The following GPC6 variants were observed in gnomAD, a reference collection of about 807,000 sequenced individuals.
GPC6 encodes glypican-6.
GPC6 carries 14 observed loss-of-function variants against 55.2 expected under a neutral mutation model. That is an observed-to-expected ratio of 0.25 (90% CI 0.17 to 0.40). The LOEUF (loss-of-function observed/expected upper bound fraction) is 0.40, where lower values mean the gene tolerates loss of function less well. Ranked by LOEUF, GPC6 falls within the 10% of genes least tolerant of loss-of-function variation. The probability of loss-of-function intolerance (pLI) is 1.00; values close to 1 mark genes in which losing one functional copy is unlikely to be tolerated. For missense variants in GPC6, 641 were observed against 708.5 expected (o/e 0.90, Z 1.08); for synonymous variants, 278 against 259.6 (o/e 1.07, Z -0.68).
chr13:93,756,969 A>G (rs980569899), intron 2 of GPC6, among the ~76,000 whole-genome samples: 1 of 152,182 alleles, frequency 6.6e-6, no homozygotes, highest in Non-Finnish European at 1.5e-5. Flanking sequence ...TTGTGAAAAT[A>G]TACTCTAATT....
chr13:94,036,047 C>T (rs1035747860), intron 4 of GPC6, among the ~76,000 whole-genome samples: 9 of 151,954 alleles, frequency 5.9e-5, no homozygotes, highest in South Asian at 2.1e-4. Flanking sequence ...TTAGAAGAGA[C>T]GGTCTCAGTG....
At chr13:93,589,913 G>A (rs1211531782) in intron 2 of GPC6, among the ~76,000 whole-genome samples, 2 of 152,156 alleles carry the variant, frequency 1.3e-5, no homozygotes, top group Admixed American at 6.6e-5. Context: ...CTCTTTGAGA[G>A]CAAATCATTT....
chr13:93,768,774 C>A (rs1020941205), intron 2 of GPC6, among the ~76,000 whole-genome samples: 1 of 152,040 alleles, frequency 6.6e-6, no homozygotes, highest in South Asian at 2.1e-4. Context: ...TTTTTATATC[C>A]ATTCTTAATT....
Position 93,871,127 on chromosome 13 carries a change from A to G in GPC6, c.711+40582A>G, listed in dbSNP as rs113629569. 2.6e-3 allele frequency among the ~76,000 whole-genome samples: 394 copies of G among 152,032 alleles called. 5 individuals are homozygous for G. Among genetic ancestry groups the G allele is most frequent in the African/African-American group, 9.2e-3 (381 of 41,518 alleles). On this transcript the variant is annotated intron_variant, in intron 3 of 8. Coordinates refer to ENST00000377047, the MANE Select transcript of GPC6 (RefSeq NM_005708.5). The stretch of plus-strand genomic sequence containing the variant: ...AGGCAGGGAATAACGGGAGACACAA[A>G]GTATAGCCGACAACACATGCTCTAG...
intron 1 of GPC6, among the ~76,000 whole-genome samples, chr13:93,333,671 G>A (rs1168298490): frequency 1.3e-5 from 2 of 151,226 alleles, no homozygotes; most frequent in East Asian, 3.9e-4. Context: ...ATTGTAGCTG[G>A]GACCAAAGGC....
chr13:94,226,926 T>C (rs1366654052), intron 4 of GPC6, among the ~76,000 whole-genome samples: 2 of 152,104 alleles, frequency 1.3e-5, no homozygotes, highest in Non-Finnish European at 2.9e-5. Context: ...AAAGATGCCA[T>C]GAACCAGCAG....
chr13:94,001,727 C>T (rs1266988576), intron 3 of GPC6, among the ~76,000 whole-genome samples: 1 of 152,106 alleles, frequency 6.6e-6, no homozygotes, highest in East Asian at 1.9e-4. Flanking sequence ...CAGTTGGTTT[C>T]ATTGAAATCT....
intron 4 of GPC6, among the ~76,000 whole-genome samples, chr13:94,142,902 T>C (rs9524342): frequency 0.39 from 58,510 of 151,058 alleles, 11,664 homozygotes; most frequent in Non-Finnish European, 0.43. Context: ...GATCGCGGCT[T>C]ACAGCAACCT....
chr13:93,641,741 T>G (rs1879953483), intron 2 of GPC6, among the ~76,000 whole-genome samples: 1 of 152,002 alleles, frequency 6.6e-6, no homozygotes, highest in Non-Finnish European at 1.5e-5. Context: ...CCCCAGCATA[T>G]TAGTAACATT....
chr13:93,699,780 G>T (rs765221632), intron 2 of GPC6, among the ~76,000 whole-genome samples: 2 of 151,932 alleles, frequency 1.3e-5, no homozygotes, highest in African/African-American at 4.8e-5. Flanking sequence ...ATTTAAAAAT[G>T]ATTTTTTCAT....
At chr13:93,852,850 G>A (rs979078772) in intron 3 of GPC6, among the ~76,000 whole-genome samples, 1 of 151,530 alleles carries the variant, frequency 6.6e-6, no homozygotes, top group African/African-American at 2.4e-5. Flanking sequence ...TCTCTTATTG[G>A]CTAGTATCAT....
chr13:93,306,403 A>G (rs529496500), intron 1 of GPC6, among the ~76,000 whole-genome samples: 5 of 152,210 alleles, frequency 3.3e-5, no homozygotes, highest in African/African-American at 1.2e-4. Context: ...AACTTGTTTG[A>G]TTCATTGTTT....
chr13:94,101,689 GT>G (rs1279217564), intron 4 of GPC6, among the ~76,000 whole-genome samples: 1 of 151,964 alleles, frequency 6.6e-6, no homozygotes, highest in Non-Finnish European at 1.5e-5. Context: ...ATATCTGTGA[GT>G]GAAAAAGCAA....
intron 2 of GPC6, among the ~76,000 whole-genome samples, chr13:93,729,015 G>T (rs956184960): frequency 6.6e-6 from 1 of 152,086 alleles, no homozygotes; most frequent in Non-Finnish European, 1.5e-5. Context: ...TTTAGTATTA[G>T]TGCAGAGTCT....
chr13:94,297,644 C>T (rs946323675), intron 5 of GPC6, among the ~76,000 whole-genome samples: 4 of 152,078 alleles, frequency 2.6e-5, no homozygotes, highest in South Asian at 2.1e-4. Flanking sequence ...GCAATACATC[C>T]GACAGATATT....
intron 2 of GPC6, among the ~76,000 whole-genome samples, chr13:93,761,542 C>T (rs903871334): frequency 1.3e-5 from 2 of 151,992 alleles, no homozygotes; most frequent in African/African-American, 2.4e-5. Context: ...GAGACAGGGT[C>T]ATCTTGCTCT....
intron 4 of GPC6, among the ~76,000 whole-genome samples, chr13:94,070,018 T>A (rs1884668286): frequency 6.6e-6 from 1 of 152,334 alleles, no homozygotes; most frequent in African/African-American, 2.4e-5. Flanking sequence ...ACTGTATTAC[T>A]TTGTTTTCAG....
chr13:93,318,211 G>A (rs1314938378), intron 1 of GPC6, among the ~76,000 whole-genome samples: 1 of 152,026 alleles, frequency 6.6e-6, no homozygotes, highest in Admixed American at 6.6e-5. Context: ...CCATAGCCAA[G>A]GAAATTATAG....
intron 4 of GPC6, among the ~76,000 whole-genome samples, chr13:94,127,000 A>G (rs1405645295): frequency 6.6e-6 from 1 of 152,136 alleles, no homozygotes; most frequent in Non-Finnish European, 1.5e-5. Flanking sequence ...CTAAAATTAT[A>G]TTATCTCTTA....
Sources: gnomAD v4.1 joint callset for allele counts (sites outside exome capture counted in the v4.1 genomes callset) on GRCh38, gnomAD v4.1.1 for gene constraint, MANE v1.5 for transcripts, NCBI Gene and HGNC (gene_info 2026-07-23, HGNC 2026-07-21) for gene names.